Variants in DOCK9 observed in about 807,000 individuals in gnomAD.
The protein encoded by DOCK9 is dedicator of cytokinesis 9, also known as dedicator of cytokinesis protein 9.
DOCK9 carries 89 observed loss-of-function variants against 263.3 expected under a neutral mutation model. That is an observed-to-expected ratio of 0.34 (90% CI 0.28 to 0.40). The LOEUF is 0.40. Ranked by LOEUF, DOCK9 falls within the 10% of genes least tolerant of loss-of-function variation. DOCK9 has a pLI of 1.00. For synonymous variants in DOCK9, 976 were observed against 973.1 expected (o/e 1.00, Z -0.06); for missense variants, 2,140 against 2,603.4 (o/e 0.82, Z 3.87).
chr13:99,055,854 G>A (rs1293891493), intron 1 of DOCK9, among the ~76,000 whole-genome samples: 1 of 151,582 alleles, frequency 6.6e-6, no homozygotes, highest in Non-Finnish European at 1.5e-5. Flanking sequence ...GCTGTCTGCA[G>A]TGACTAGACC....
chr13:98,914,524 T>G (rs2050577137), intron 8 of DOCK9, 129 bp from the exon 9 acceptor site: 2 of 718,004 alleles, frequency 2.8e-6, no homozygotes, highest in South Asian at 1.9e-5. Flanking sequence ...TGGATGCTCC[T>G]GGGAAACACT....
intron 1 of DOCK9, among the ~76,000 whole-genome samples, chr13:98,960,598 A>T (rs1018267457): frequency 1.3e-5 from 2 of 152,210 alleles, no homozygotes; most frequent in African/African-American, 4.8e-5. Flanking sequence ...TTCCCGTGAA[A>T]TCAGAAAGGG....
chr13:98,995,265 G>A (rs369334959), intron 1 of DOCK9, among the ~76,000 whole-genome samples: 10 of 152,222 alleles, frequency 6.6e-5, no homozygotes, highest in South Asian at 6.2e-4. Flanking sequence ...CATTACAGTG[G>A]TTCATCATAT....
chr13:98,844,446 C>G (rs2093328776), intron 38 of DOCK9, among the ~76,000 whole-genome samples: 1 of 152,118 alleles, frequency 6.6e-6, no homozygotes, highest in South Asian at 2.1e-4. Flanking sequence ...TCACTGCAAC[C>G]TCAGCCCCCC....
chr13:98,838,210 G>A (rs1167158106), intron 38 of DOCK9, among the ~76,000 whole-genome samples: 1 of 152,230 alleles, frequency 6.6e-6, no homozygotes, highest in African/African-American at 2.4e-5. Context: ...CTCACCAGCT[G>A]TGTGGCCTTG....
intron 9 of DOCK9, among the ~76,000 whole-genome samples, chr13:98,908,763 T>C (rs1431994514): frequency 6.6e-6 from 1 of 152,212 alleles, no homozygotes; most frequent in Non-Finnish European, 1.5e-5. Context: ...CTCAGGAATG[T>C]GGGAATGGAG....
chr13:98,939,246 A>T (rs560952479), intron 2 of DOCK9, among the ~76,000 whole-genome samples: 95 of 152,330 alleles, frequency 6.2e-4, no homozygotes, highest in African/African-American at 2.1e-3. Context: ...ATTTCAGGGT[A>T]CCTGGGGTCC....
intron 32 of DOCK9, among the ~76,000 whole-genome samples, 196 bp downstream of exon 32, chr13:98,862,823 C>G (rs1308216856): frequency 6.6e-6 from 1 of 152,206 alleles, no homozygotes; most frequent in East Asian, 1.9e-4. Context: ...CCTGCAGCAT[C>G]AGCAGCTGTG....
At chr13:99,054,637 T>C (rs2040839025) in intron 1 of DOCK9, among the ~76,000 whole-genome samples, 1 of 152,260 alleles carries the variant, frequency 6.6e-6, no homozygotes, top group Non-Finnish European at 1.5e-5. Context: ...CCATTGCTAC[T>C]GCCCTGCCTC....
chr13:98,878,206 T>A (rs541908734), intron 27 of DOCK9, among the ~76,000 whole-genome samples: 73 of 152,280 alleles, frequency 4.8e-4, no homozygotes, highest in Non-Finnish European at 8.4e-4. Flanking sequence ...ACTTTCAGCA[T>A]CTCAATTGTT....
intron 13 of DOCK9, among the ~76,000 whole-genome samples, chr13:98,900,148 G>T (rs1461116908): frequency 1.5e-5 from 2 of 130,028 alleles, no homozygotes; most frequent in African/African-American, 5.8e-5. Flanking sequence ...TGTACACATG[G>T]ATGAGCTTTA....
At chr13:98,930,077 C>T in intron 3 of DOCK9, 91 bp downstream of exon 3, 2 of 1,153,430 alleles carry the variant, frequency 1.7e-6, no homozygotes, top group Non-Finnish European at 2.5e-6. Context: ...ACCCTTTTGA[C>T]ACTTCCTTGA....
chr13:98,821,914 C>T (rs995134001), intron 45 of DOCK9, among the ~76,000 whole-genome samples: 7 of 152,192 alleles, frequency 4.6e-5, no homozygotes, highest in Non-Finnish European at 1.0e-4. Flanking sequence ...ATACACTTAT[C>T]TCCCACCAGA....
intron 39 of DOCK9, among the ~76,000 whole-genome samples, chr13:98,834,218 G>T (rs1346832800): frequency 7.2e-5 from 11 of 152,134 alleles, no homozygotes; most frequent in Non-Finnish European, 1.5e-5. Context: ...AAAGATCCAG[G>T]AACACAGAGG....
At chr13:98,816,539 G>C (rs2091869983) in intron 45 of DOCK9, among the ~76,000 whole-genome samples, 2 of 152,090 alleles carry the variant, frequency 1.3e-5, no homozygotes, top group African/African-American at 2.4e-5. Flanking sequence ...CTAGAGCCCA[G>C]AGTCTCGTGT....
At chr13:99,015,643 T>G (rs1266050638) in intron 1 of DOCK9, 2 of 1,556,280 alleles carry the variant, frequency 1.3e-6, no homozygotes, top group Non-Finnish European at 1.7e-6. Context: ...TTTAGCAATC[T>G]CTACTCCATT....
intron 9 of DOCK9, among the ~76,000 whole-genome samples, chr13:98,909,920 G>C (rs2049737512): frequency 6.6e-6 from 1 of 152,138 alleles, no homozygotes; most frequent in Admixed American, 6.6e-5. Context: ...GATTTACCTG[G>C]AACAATAAGT....
chr13:98,940,109 T>A (rs139699854), intron 2 of DOCK9, among the ~76,000 whole-genome samples: 8 of 152,350 alleles, frequency 5.3e-5, no homozygotes, highest in Non-Finnish European at 8.8e-5. Flanking sequence ...TTTGAGAGGA[T>A]TCAGTACCAA....
rs550643359 is a variant in DOCK9, at chr13:98,929,608, T to C, written c.333+560A>G. Among the ~76,000 whole-genome samples, 24 of 152,032 alleles carry C rather than the reference T, an allele frequency of 1.6e-4. No homozygotes were observed. In the South Asian group the frequency reaches 5.0e-3, roughly 32 times the overall value. The stretch of plus-strand genomic sequence containing the variant: ...CTTTCTTCCATAAGATAATTTTATT[T>C]GCATTTTCAAACAAAAATAATATTA... On this transcript the variant is annotated intron_variant, in intron 3 of 52. Coordinates refer to ENST00000682017, the MANE Select transcript of DOCK9 (RefSeq NM_001366683.2).
Sources: gnomAD v4.1 joint callset for allele counts (sites outside exome capture counted in the v4.1 genomes callset) on GRCh38, gnomAD v4.1.1 for gene constraint, MANE v1.5 for transcripts, NCBI Gene and HGNC (gene_info 2026-07-23, HGNC 2026-07-21) for gene names.